Variants in PIGG observed in about 807,000 individuals in gnomAD.
PIGG encodes the protein phosphatidylinositol glycan anchor biosynthesis class G (EMM blood group), also known as GPI ethanolamine phosphate transferase 2, catalytic subunit.
A neutral mutation model predicts 83.2 loss-of-function variants in PIGG; 70 were observed. The ratio of observed to expected loss-of-function variants is 0.84; its 90% CI spans 0.69 to 1.03. PIGG has a LOEUF of 1.03. Ranked by LOEUF, PIGG falls within the 50% of genes least tolerant of loss-of-function variation. The pLI is 0.00. For synonymous variants in PIGG, 532 were observed against 519.5 expected (o/e 1.02, Z -0.33); for missense variants, 1,257 against 1,233.6 (o/e 1.02, Z -0.28).
chr4:505,548 G>T (rs1045566706), intron 2 of PIGG, among the ~76,000 whole-genome samples, 170 bp from the exon 3 acceptor site: 1 of 147,162 alleles, frequency 6.8e-6, no homozygotes, highest in Non-Finnish European at 1.5e-5. Flanking sequence ...TGGGAGGATC[G>T]CTTGGGCCCA....
At chr4:535,422 C>T (rs1730266275) in intron 12 of PIGG, among the ~76,000 whole-genome samples, 3 of 152,244 alleles carry the variant, frequency 2.0e-5, no homozygotes, top group Non-Finnish European at 4.4e-5. Context: ...GCTGAAACCG[C>T]GCACCGCGGC....
chr4:505,676 T>G (rs1553878487), intron 2 of PIGG, 42 bp from the exon 3 acceptor site: 5 of 1,408,376 alleles, frequency 3.6e-6, no homozygotes, highest in Non-Finnish European at 4.0e-6. Context: ...CATGCTCCGG[T>G]TTTGGATTCA....
chr4:506,802 G>A, intron 3 of PIGG: 1 of 456,214 alleles, frequency 2.2e-6, no homozygotes, highest in Non-Finnish European at 4.4e-6. Context: ...TTTCAGAACA[G>A]CCTTCTTGTA....
rs1222933991 is a variant in PIGG, at chr4:501,313, CA to C, written c.360+713del. 8 of 348,046 alleles carry C rather than the reference CA, an allele frequency of 2.3e-5. No homozygotes were observed. The East Asian group carries it at 6.4e-4, about 28-fold the overall frequency. 21.6% of individuals were successfully genotyped at this position (348,046 alleles called of 1,614,324 possible). On this transcript the variant is annotated intron_variant, in intron 2 of 12. Transcript: ENST00000453061. ...GATATACAGCCACTCAACAAAGGAGCATATGAAAACATGCAGTTGTAAAGTG... is the reference window on the plus strand; with the variant it reads ...GATATACAGCCACTCAACAAAGGAGCTATGAAAACATGCAGTTGTAAAGTG...
chr4:521,161 A>G lies in PIGG; in HGVS notation c.1220A>G (p.Lys407Arg), dbSNP rs1250954532. Residue 407 changes from lysine to arginine, a missense_variant, in exon 7 of 13, where the codon AAG becomes AGG. Physicochemically the swap from Lys to Arg is conservative, Grantham distance 26 (BLOSUM62 2). Transcript: ENST00000453061. The part of the protein sequence containing the change: ...HSEVLFNLGS[K>R]VLRQYLDALK... The stretch of plus-strand genomic sequence containing the variant: ...GAAGTCCTATTCAACCTGGGCTCCA[A>G]GGTTCTCAGGCAGTACCTGGATGCT... 4.3e-6 allele frequency: 7 copies of G among 1,614,108 alleles called. No individual in the cohort carries two copies. Among genetic ancestry groups the G allele is most frequent in the Non-Finnish European group, 5.9e-6 (7 of 1,179,972 alleles).
chr4:506,253 A>T (rs1719643506), intron 3 of PIGG, among the ~76,000 whole-genome samples: 1 of 152,182 alleles, frequency 6.6e-6, no homozygotes, highest in East Asian at 1.9e-4. Flanking sequence ...GGGACTCCCC[A>T]GGTGGGCAGA....
intron 4 of PIGG, 121 bp downstream of exon 4, chr4:507,714 C>G (rs868929698): frequency 1.2e-6 from 1 of 836,588 alleles, no homozygotes. Flanking sequence ...AGTCTGCTAG[C>G]CAGGGGCCGC....
At position 533,931 on chromosome 4, in the gene PIGG, T is replaced by C. The variant is rs368964397; in HGVS notation, c.2685T>C (p.Pro895=). The part of the protein sequence containing the change: ...LLTAFGTYAG[P]VLWASHLVHF... ...CAGCGTTTGGGACGTACGCAGGGCC[T>C]GTGCTGTGGGCCAGCCACTTAGTGC... is the stretch of plus-strand genomic sequence containing the variant. Residue 895 remains proline (P), a synonymous_variant, in exon 12 of 13, where the codon CCT becomes CCC. Coordinates refer to ENST00000453061, the MANE Select transcript of PIGG (RefSeq NM_001127178.3). 6.8e-6 allele frequency: 11 copies of C among 1,614,104 alleles called. No homozygotes were observed. The highest frequency in any genetic ancestry group is 2.7e-5 in the African/African-American group (2 of 74,948).
chr4:530,166 G>C lies in PIGG; in HGVS notation c.2262-270G>C, dbSNP rs114031354. 1.5e-3 allele frequency among the ~76,000 whole-genome samples: 222 copies of C among 152,290 alleles called. 1 individual carries two copies. Among genetic ancestry groups the C allele is most frequent in the African/African-American group, 5.1e-3 (214 of 41,556 alleles). On this transcript the variant is annotated intron_variant, in intron 10 of 12. Transcript: ENST00000453061. Reference sequence around the variant, plus strand: ...GCCACCAGATGAGCCAAATGAGCAAGATCTCCCCGAAGCCAGCCCCAGCGG... The same window carrying C: ...GCCACCAGATGAGCCAAATGAGCAACATCTCCCCGAAGCCAGCCCCAGCGG...
chr4:527,308 C>T (rs546230500), intron 10 of PIGG, 78 bp downstream of exon 10: 6 of 1,458,232 alleles, frequency 4.1e-6, no homozygotes, highest in East Asian at 2.5e-5. Context: ...CGCGTGGAAC[C>T]ACTTCACTGT....
At position 530,514 on chromosome 4, in the gene PIGG, T is replaced by C. The variant is rs1422732944; in HGVS notation, c.2340T>C (p.Ser780=). The C allele has an allele frequency of 6.2e-7, 1 of 1,612,980 alleles. No homozygotes were observed. The highest frequency in any genetic ancestry group is 8.5e-7 in the Non-Finnish European group (1 of 1,178,990). The change falls in exon 11 of 13, where the codon TCT becomes TCC. Residue 780 remains serine (S), a synonymous_variant. Coordinates refer to ENST00000453061, the MANE Select transcript of PIGG (RefSeq NM_001127178.3). The stretch of plus-strand genomic sequence containing the variant: ...CGGGCACCAAAGACTTACTTAAATC[T>C]CAAGTCATTGCTGCAGACTTCAAAC... ...LFTGTKDLLK[S]QVIAADFKLK...
At position 512,775 on chromosome 4, in the gene PIGG, A is replaced by G. The variant is rs555391683; in HGVS notation, c.902-3198A>G. On this transcript the variant is annotated intron_variant, in intron 5 of 12. Coordinates refer to ENST00000453061, the MANE Select transcript of PIGG (RefSeq NM_001127178.3). ...GGTTGCAGTGAGCCGAGATCGCACC[A>G]CTGCACTCCAGCTTGGCGACGGAGT... 1.4e-4 allele frequency among the ~76,000 whole-genome samples: 22 copies of G among 152,214 alleles called. No homozygotes were observed. The East Asian group carries it at 4.3e-3, about 30-fold the overall frequency.
chr4:525,155 TCTC>T (rs1727230135), intron 9 of PIGG: 2 of 980,648 alleles, frequency 2.0e-6, no homozygotes, highest in Non-Finnish European at 1.2e-6. Context: ...CCCTTTTCTC[TCTC>T]CTCATCCTGA....
intron 5 of PIGG, among the ~76,000 whole-genome samples, chr4:513,441 C>G (rs564742389): frequency 6.6e-6 from 1 of 152,316 alleles, no homozygotes; most frequent in Non-Finnish European, 1.5e-5. Flanking sequence ...GTGCTGACCT[C>G]CCTGTGTGGG....
intron 2 of PIGG, among the ~76,000 whole-genome samples, chr4:503,246 C>T (rs1180483331): frequency 5.9e-5 from 9 of 152,208 alleles, no homozygotes; most frequent in Non-Finnish European, 7.3e-5. Context: ...CCAGCCTGAA[C>T]TGTTATAAAT....
chr4:516,360 G>A lies in PIGG; in HGVS notation c.1114+175G>A, dbSNP rs182688558. ...TTAGAACTTTGAACTATCACCATTG[G>A]CAGCACCCTCAGATGCAGTTATCTA... On this transcript the variant is annotated intron_variant, in intron 6 of 12. Transcript: ENST00000453061. 5.3e-5 allele frequency among the ~76,000 whole-genome samples: 8 copies of A among 152,244 alleles called. No homozygotes were observed. In the East Asian group the frequency reaches 1.5e-3, roughly 29 times the overall value.
At chr4:532,955 T>TGGAA (rs1440573135) in intron 11 of PIGG, 1 of 151,552 alleles carries the variant, frequency 6.6e-6, no homozygotes, top group Non-Finnish European at 1.5e-5. Flanking sequence ...GGTCTTGGAG[T>TGGAA]GGAGAGGCGG....
chr4:511,619 G>A (rs1560298265), intron 5 of PIGG, among the ~76,000 whole-genome samples: 1 of 152,174 alleles, frequency 6.6e-6, no homozygotes, highest in African/African-American at 2.4e-5. Context: ...TTATATAATT[G>A]CTTTTAAATC....
At position 499,379 on chromosome 4, in the gene PIGG, T is replaced by C. The variant is rs1406764492; in HGVS notation, c.44T>C (p.Ile15Thr). ...ACTTTCGCTACCTGTTGCGTAGCGA[T>C]CGAGGTGCTAGGGATCGCGGTCTTC... Reference protein sequence around the residue: ...SGTFATCCVAIEVLGIAVFLR... With the variant: ...SGTFATCCVATEVLGIAVFLR... The change falls in exon 1 of 13, where the codon ATC becomes ACC. Residue 15 changes from isoleucine (I) to threonine (T), a missense_variant. By Grantham distance (89) the Ile-to-Thr change is moderately conservative (BLOSUM62 -1). Coordinates refer to ENST00000453061, the MANE Select transcript of PIGG (RefSeq NM_001127178.3). The C allele has an allele frequency of 5.0e-6, 8 of 1,610,074 alleles. No homozygotes were observed. The highest frequency in any genetic ancestry group is 6.8e-6 in the Non-Finnish European group (8 of 1,179,932).
Sources: gnomAD v4.1 joint callset for allele counts (sites outside exome capture counted in the v4.1 genomes callset) on GRCh38, gnomAD v4.1.1 for gene constraint, MANE v1.5 for transcripts, NCBI Gene and HGNC (gene_info 2026-07-23, HGNC 2026-07-21) for gene names.